ZBTB8A: variants seen among roughly 807,000 people sequenced by gnomAD.
The protein encoded by ZBTB8A is zinc finger and BTB domain containing 8A.
Under a neutral mutation model 37.8 loss-of-function variants are expected in ZBTB8A, and 19 were observed. The ratio of observed to expected loss-of-function variants is 0.50; its 90% CI spans 0.35 to 0.74. The LOEUF is 0.74. Among genes scored for constraint, ZBTB8A ranks in the 30% least tolerant of loss-of-function variants. The pLI is 0.01. For synonymous variants in ZBTB8A, 181 were observed against 185.2 expected, an observed-to-expected ratio of 0.98 and a Z score of 0.19; for missense variants, 394 against 537.8, an observed-to-expected ratio of 0.73 and a Z score of 2.65.
intron 2 of ZBTB8A, among the ~76,000 whole-genome samples, chr1:32,570,664 C>T (rs1000811145): frequency 2.0e-5 from 3 of 152,106 alleles, no homozygotes; most frequent in South Asian, 2.1e-4. Flanking sequence ...GGTGCTCTTA[C>T]GAATGCATTG....
Position 32,593,412 on chromosome 1 carries a change from TCTC to T in ZBTB8A, c.483_485del (p.Pro162del). ...TGGTGGCTGGCAAGAAGGAAGCAGT[TCTC>T]CACGTTCTCACCTAAGCCCAGAGCA... On this transcript the variant is annotated inframe_deletion, in exon 3 of 5. Coordinates refer to ENST00000373510, the MANE Select transcript of ZBTB8A (RefSeq NM_001040441.3). 6.2e-7 allele frequency: 1 copy of T among 1,614,022 alleles called. No individual in the cohort carries two copies. Among genetic ancestry groups the T allele is most frequent in the East Asian group, 2.2e-5 (1 of 44,884 alleles).
At chr1:32,548,421 G>A (rs1254521810) in intron 1 of ZBTB8A, among the ~76,000 whole-genome samples, 10 of 151,838 alleles carry the variant, frequency 6.6e-5, no homozygotes, top group African/African-American at 9.7e-5. Flanking sequence ...TGCAACCACC[G>A]TCTCCAGGGT....
chr1:32,549,812 C>T (rs1197960799), intron 1 of ZBTB8A, among the ~76,000 whole-genome samples: 5 of 152,178 alleles, frequency 3.3e-5, no homozygotes, highest in Admixed American at 3.3e-4. Flanking sequence ...TGACTCCTGT[C>T]TTCACCATGT....
At position 32,595,095 on chromosome 1, in the gene ZBTB8A, CA is replaced by C; in HGVS notation, c.866del (p.His289LeufsTer3). 1 of 1,614,194 alleles carries C rather than the reference CA, an allele frequency of 6.2e-7. No homozygotes were observed. The highest frequency in any genetic ancestry group is 8.5e-7 in the Non-Finnish European group (1 of 1,180,038). The stretch of plus-strand genomic sequence containing the variant: ...GCGATTCAAGTGCCCGTACTGCACA[CA>C]TGTGGTGAAGCGGAAGGCAGACCTA... Reference protein sequence around the residue: ...RMRFKCPYCTHVVKRKADLKR... With the variant: ...RMRFKCPYCTXVVKRKADLKR... On this transcript the variant is annotated frameshift_variant, in exon 4 of 5. Coordinates refer to ENST00000373510, the MANE Select transcript of ZBTB8A (RefSeq NM_001040441.3). LOFTEE classifies it high-confidence loss of function.
At chr1:32,593,801 A>G (rs758871398) in intron 3 of ZBTB8A, 47 bp downstream of exon 3, 4 of 1,440,082 alleles carry the variant, frequency 2.8e-6, no homozygotes, top group Admixed American at 2.0e-5. Flanking sequence ...CCAAACTGCT[A>G]TATTAATCAG....
chr1:32,594,125 C>T (rs1236267872), intron 3 of ZBTB8A, among the ~76,000 whole-genome samples: 1 of 149,424 alleles, frequency 6.7e-6, no homozygotes, highest in African/African-American at 2.5e-5. Context: ...ACCCGGGAGG[C>T]GGAGGTTGCA....
intron 2 of ZBTB8A, among the ~76,000 whole-genome samples, chr1:32,584,914 C>G (rs756175954): frequency 5.3e-5 from 8 of 151,714 alleles, no homozygotes; most frequent in Non-Finnish European, 1.0e-4. Flanking sequence ...TATGGGAGAT[C>G]CTAGCACATG....
At chr1:32,560,387 TG>T in intron 2 of ZBTB8A, among the ~76,000 whole-genome samples, 1 of 152,160 alleles carries the variant, frequency 6.6e-6, no homozygotes, top group Non-Finnish European at 1.5e-5. Context: ...ACCCTTGACC[TG>T]GGATGTCTCA....
intron 1 of ZBTB8A, among the ~76,000 whole-genome samples, chr1:32,547,456 G>A (rs1437766767): frequency 6.7e-6 from 1 of 149,530 alleles, no homozygotes; most frequent in South Asian, 2.1e-4. Flanking sequence ...TGGGCTCAAG[G>A]GATCTTCCCT....
At chr1:32,589,611 G>A (rs1016233972) in intron 2 of ZBTB8A, among the ~76,000 whole-genome samples, 25 of 151,698 alleles carry the variant, frequency 1.6e-4, no homozygotes, top group Non-Finnish European at 3.1e-4. Flanking sequence ...GTGCAGTGGC[G>A]CAATCTCTGC....
chr1:32,554,316 T>C (rs1437051177), intron 2 of ZBTB8A, among the ~76,000 whole-genome samples: 3 of 151,748 alleles, frequency 2.0e-5, no homozygotes, highest in African/African-American at 7.3e-5. Flanking sequence ...ATTTTTTTGG[T>C]CTCCCTGTTC....
At chr1:32,579,965 T>A (rs1318233469) in intron 2 of ZBTB8A, among the ~76,000 whole-genome samples, 1 of 152,194 alleles carries the variant, frequency 6.6e-6, no homozygotes, top group Non-Finnish European at 1.5e-5. Flanking sequence ...CACGTTGTAG[T>A]TAGTTATCTT....
chr1:32,579,760 A>T (rs1457843150), intron 2 of ZBTB8A, among the ~76,000 whole-genome samples: 2 of 152,046 alleles, frequency 1.3e-5, no homozygotes, highest in East Asian at 3.9e-4. Context: ...CACTGATTTC[A>T]TTGTCTGAAA....
intron 4 of ZBTB8A, among the ~76,000 whole-genome samples, chr1:32,596,063 A>C (rs755348541): frequency 9.5e-4 from 144 of 151,824 alleles, no homozygotes; most frequent in Middle Eastern, 3.4e-3. Context: ...GCTTGAGGCC[A>C]GTTCAGTTCA....
At chr1:32,580,250 A>C (rs914874868) in intron 2 of ZBTB8A, among the ~76,000 whole-genome samples, 7 of 152,062 alleles carry the variant, frequency 4.6e-5, no homozygotes, top group Non-Finnish European at 8.8e-5. Flanking sequence ...AAAACAAAAA[A>C]AATTTTTTTA....
intron 2 of ZBTB8A, among the ~76,000 whole-genome samples, chr1:32,578,874 C>T (rs572283839): frequency 6.6e-6 from 1 of 152,028 alleles, no homozygotes; most frequent in Non-Finnish European, 1.5e-5. Flanking sequence ...CCATTGTGCC[C>T]AGCACTAATC....
At chr1:32,565,725 A>G (rs896948081) in intron 2 of ZBTB8A, among the ~76,000 whole-genome samples, 2 of 152,130 alleles carry the variant, frequency 1.3e-5, no homozygotes, top group Non-Finnish European at 2.9e-5. Context: ...CTTTAGTCCT[A>G]TATTTTGGTC....
chr1:32,574,867 TCC>T, intron 2 of ZBTB8A, among the ~76,000 whole-genome samples: 1 of 152,230 alleles, frequency 6.6e-6, no homozygotes, highest in Admixed American at 6.5e-5. Flanking sequence ...AGACTTGACC[TCC>T]TAAGCACAAG....
intron 2 of ZBTB8A, among the ~76,000 whole-genome samples, chr1:32,557,159 G>T (rs181884315): frequency 2.0e-5 from 3 of 151,820 alleles, no homozygotes; most frequent in East Asian, 2.0e-4. Flanking sequence ...AAAATTAACC[G>T]GGCGTGATGG....
Sources: allele counts gnomAD v4.1 joint callset (sites outside exome capture counted in the v4.1 genomes callset), GRCh38; gene constraint gnomAD v4.1.1; transcripts MANE v1.5; gene names NCBI Gene and HGNC (gene_info 2026-07-23, HGNC 2026-07-21).